Variants in SUMF1 observed in about 807,000 individuals in gnomAD.
SUMF1 encodes formylglycine-generating enzyme.
In SUMF1, 48 loss-of-function variants were observed where a neutral mutation model predicts 47.6. The ratio of observed to expected loss-of-function variants is 1.01; its 90% CI spans 0.80 to 1.28. SUMF1 has a LOEUF of 1.28. SUMF1 is among the 50% of genes most tolerant of loss of function. The pLI is 0.00. For synonymous variants in SUMF1, 230 were observed against 192.1 expected, an observed-to-expected ratio of 1.20 and a Z score of -1.63; for missense variants, 571 against 485.4, an observed-to-expected ratio of 1.18 and a Z score of -1.66.
Position 4,449,344 on chromosome 3 carries a change from T to C in SUMF1, c.445-4A>G, listed in dbSNP as rs371214497. 2 of 1,614,112 alleles carry C rather than the reference T, an allele frequency of 1.2e-6. No homozygotes were observed. Among genetic ancestry groups the C allele is most frequent in the African/African-American group, 1.3e-5 (1 of 75,050 alleles). On this transcript the variant is annotated splice_region_variant and splice_polypyrimidine_tract_variant and intron_variant, in intron 2 of 8. Coordinates refer to ENST00000272902, the MANE Select transcript of SUMF1 (RefSeq NM_182760.4). ...AGGAGTCGCCAAACTTCTCAGCCTA[T>C]AAGGAAGGTAGGAAATAAAAATCCA...
intron 1 of SUMF1, among the ~76,000 whole-genome samples, chr3:4,461,795 G>A (rs2079821243): frequency 6.6e-6 from 1 of 152,172 alleles, no homozygotes. Context: ...AATGTCAAAT[G>A]TCATTCAAGT....
chr3:4,261,347 G>C (rs1041942141), intron 8 of SUMF1, among the ~76,000 whole-genome samples: 1 of 152,098 alleles, frequency 6.6e-6, no homozygotes, highest in Non-Finnish European at 1.5e-5. Flanking sequence ...GGAAGAAGAA[G>C]ATACATTCAG....
intron 9 of SUMF1, among the ~76,000 whole-genome samples, chr3:4,054,565 A>G (rs531265469): frequency 2.0e-5 from 3 of 152,200 alleles, no homozygotes; most frequent in Non-Finnish European, 2.9e-5. Flanking sequence ...GTTTTAAAAG[A>G]TATCTTTACC....
At chr3:4,297,781 C>A (rs1197200209) in intron 8 of SUMF1, among the ~76,000 whole-genome samples, 1 of 152,058 alleles carries the variant, frequency 6.6e-6, no homozygotes, top group African/African-American at 2.4e-5. Context: ...GCTGACTTTC[C>A]TCCTTTCATC....
intron 8 of SUMF1, among the ~76,000 whole-genome samples, chr3:4,263,174 G>A (rs1266320778): frequency 6.6e-6 from 1 of 152,168 alleles, no homozygotes; most frequent in Non-Finnish European, 1.5e-5. Flanking sequence ...TCTCCAATCT[G>A]TAATATTAGG....
intron 8 of SUMF1, among the ~76,000 whole-genome samples, chr3:4,110,639 T>G (rs1299379397): frequency 3.3e-5 from 5 of 151,860 alleles, no homozygotes; most frequent in Non-Finnish European, 4.4e-5. Context: ...GTGGCACATA[T>G]ACACCATGGA....
rs192048668 is a variant in SUMF1, at chr3:4,280,180, A to C, written c.1014+96150T>G. Among the ~76,000 whole-genome samples the C allele has an allele frequency of 3.2e-4, 48 of 152,334 alleles. No individual in the cohort carries two copies. The East Asian group carries it at 3.5e-3, about 11-fold the overall frequency. ...CCACAATGTATACATATCTTAAAGC[A>C]TCATGTTGTACATAATATATAGAAT... On this transcript the variant is annotated intron_variant and NMD_transcript_variant, in intron 8 of 12. Transcript: ENST00000448413.
chr3:4,347,690 A>G (rs1030147539), intron 8 of SUMF1, among the ~76,000 whole-genome samples: 1 of 152,208 alleles, frequency 6.6e-6, no homozygotes, highest in East Asian at 1.9e-4. Flanking sequence ...CATGGCAATC[A>G]GGCAAGAGAA....
chr3:4,177,529 C>T (rs1188659574), intron 8 of SUMF1, among the ~76,000 whole-genome samples: 3 of 152,090 alleles, frequency 2.0e-5, no homozygotes, highest in Non-Finnish European at 4.4e-5. Flanking sequence ...CTCTGGGACA[C>T]ATTTAAAGAA....
At chr3:4,234,668 T>C (rs1696371135) in intron 8 of SUMF1, among the ~76,000 whole-genome samples, 1 of 152,170 alleles carries the variant, frequency 6.6e-6, no homozygotes, top group Admixed American at 6.6e-5. Context: ...TAGTGGTTCC[T>C]ATTCCAGACT....
intron 9 of SUMF1, among the ~76,000 whole-genome samples, chr3:4,059,752 C>CA (rs1260188469): frequency 7.4e-6 from 1 of 134,802 alleles, no homozygotes; most frequent in East Asian, 2.1e-4. Context: ...AAATGTACAA[C>CA]AAAAACTGTG....
In SUMF1 at chr3:4,326,522, G is replaced by GTTTTTTTTTTTTTTTTTT. The variant is rs35648890; in HGVS notation, c.1014+49807_1014+49808insAAAAAAAAAAAAAAAAAA. 1.1e-3 allele frequency among the ~76,000 whole-genome samples: 137 copies of GTTTTTTTTTTTTTTTTTT among 128,612 alleles called. 2 individuals carry two copies. Among genetic ancestry groups the GTTTTTTTTTTTTTTTTTT allele is most frequent in the Middle Eastern group, 4.2e-3 (1 of 238 alleles). 84.4% of individuals were successfully genotyped at this position (128,612 alleles called of 152,430 possible). ...ATGTACAAGGCCAGTTTTTCCAAGG[G>GTTTTTTTTTTTTTTTTTT]TTTTTTTTTTTTTGAGATAGATCCT... On this transcript the variant is annotated intron_variant and NMD_transcript_variant, in intron 8 of 12. Transcript: ENST00000448413.
chr3:4,377,601 T>C (rs963207555), intron 7 of SUMF1, among the ~76,000 whole-genome samples: 1 of 152,164 alleles, frequency 6.6e-6, no homozygotes, highest in African/African-American at 2.4e-5. Flanking sequence ...AGAATTAACA[T>C]CTACACAGAG....
chr3:4,396,598 G>A (rs1701046808), intron 7 of SUMF1, among the ~76,000 whole-genome samples: 1 of 152,170 alleles, frequency 6.6e-6, no homozygotes, highest in Admixed American at 6.5e-5. Context: ...TTTGATGTGA[G>A]CTGGTGGACA....
At chr3:4,083,487 G>A (rs947228988) in intron 8 of SUMF1, among the ~76,000 whole-genome samples, 2 of 152,112 alleles carry the variant, frequency 1.3e-5, no homozygotes, top group East Asian at 3.8e-4. Flanking sequence ...GCACCCCAGC[G>A]TGACTATGAA....
rs187639183 is a variant in SUMF1 at position 4,235,497 on chromosome 3, G to T, written c.1014+140833C>A. On this transcript the variant is annotated intron_variant and NMD_transcript_variant, in intron 8 of 12. Coordinates refer to the SUMF1 transcript ENST00000448413. ...AATACAGCATAGAAGAAAGCCCTTA[G>T]GATAACCAATTAGTAAATGACTAAA... Among the ~76,000 whole-genome samples the T allele has an allele frequency of 1.6e-3, 239 of 152,052 alleles. 1 individual carries two copies. Among genetic ancestry groups the T allele is most frequent in the Non-Finnish European group, 3.0e-3 (207 of 67,974 alleles).
intron 8 of SUMF1, among the ~76,000 whole-genome samples, chr3:4,139,685 C>A (rs1163633296): frequency 3.3e-5 from 5 of 151,652 alleles, no homozygotes; most frequent in South Asian, 2.1e-4. Flanking sequence ...GGAAAGAGGA[C>A]TAGTCATATG....
chr3:4,316,628 T>C, intron 8 of SUMF1: 1 of 1,551,290 alleles, frequency 6.4e-7, no homozygotes, highest in Non-Finnish European at 8.7e-7. Context: ...CATCTTCTCT[T>C]ATTCTACGCA....
intron 8 of SUMF1, among the ~76,000 whole-genome samples, chr3:4,179,074 C>G (rs1695034894): frequency 6.6e-6 from 1 of 152,152 alleles, no homozygotes. Context: ...GTTCTATGCT[C>G]ATGGATAGGA....
Sources: gnomAD v4.1 joint callset for allele counts (sites outside exome capture counted in the v4.1 genomes callset) on GRCh38, gnomAD v4.1.1 for gene constraint, MANE v1.5 for transcripts, NCBI Gene and HGNC (gene_info 2026-07-23, HGNC 2026-07-21) for gene names.